Variants in RYR2 observed in about 807,000 individuals in gnomAD.
RYR2 encodes ryanodine receptor 2.
A neutral mutation model predicts 601.1 loss-of-function variants in RYR2; 227 were observed. The ratio of observed to expected loss-of-function variants is 0.38; its 90% CI spans 0.34 to 0.42. The LOEUF is 0.42. RYR2 is among the 10% of genes least tolerant of loss of function. The pLI, the probability that RYR2 is intolerant of heterozygous loss-of-function variation, is 1.00. For synonymous variants in RYR2, 2,223 were observed against 2,175.1 expected (o/e 1.02, Z -0.61); for missense variants, 4,646 against 6,156.5 (o/e 0.75, Z 8.21).
In RYR2 at chr1:237,773,504, C is replaced by A. The variant is rs369311028; in HGVS notation, c.11647-16C>A. On this transcript the variant is annotated splice_polypyrimidine_tract_variant and intron_variant, in intron 86 of 104. Transcript: ENST00000366574. ...AATGTGACTTGATAATAAATAATAT[C>A]ATCTCTATTTCCCAGGAATCAATTA... is the stretch of plus-strand genomic sequence containing the variant. 7.1e-6 allele frequency: 11 copies of A among 1,551,504 alleles called. No individual in the cohort carries two copies. In the African/African-American group the frequency reaches 1.4e-4, roughly 19 times the overall value.
intron 1 of RYR2, among the ~76,000 whole-genome samples, chr1:237,240,715 G>A (rs995965446): frequency 1.3e-4 from 18 of 141,212 alleles, no homozygotes; most frequent in African/African-American, 4.7e-4. Context: ...ACCATGTAGA[G>A]GATGCTCACA....
chr1:237,068,831 T>C (rs1229062055), intron 1 of RYR2, among the ~76,000 whole-genome samples: 1 of 152,142 alleles, frequency 6.6e-6, no homozygotes, highest in Non-Finnish European at 1.5e-5. Flanking sequence ...TTTTTAGATC[T>C]CCCCGTACTG....
rs2148831716 is a variant in RYR2, at chr1:237,657,994, A to G, written c.8180A>G (p.His2727Arg). 6.6e-7 allele frequency: 1 copy of G among 1,511,476 alleles called. No individual in the cohort carries two copies. Among genetic ancestry groups the G allele is most frequent in the South Asian group, 1.3e-5 (1 of 77,354 alleles). The allele number at this position is 1,511,476 out of a possible 1,614,324, so 93.6% of individuals were successfully genotyped here. The change falls in exon 54 of 105, where the codon CAC becomes CGC. Residue 2727 changes from histidine (H) to arginine (R), a missense_variant. His to Arg is a conservative substitution (Grantham distance 29). This residue lies in a region of RYR2 where 1,497 missense variants were observed against 1,842.6 expected (regional missense o/e 0.81). Coordinates refer to ENST00000366574, the MANE Select transcript of RYR2 (RefSeq NM_001035.3). ...LEYFINKYAE[H>R]SHDKWSMDKL... ...TACTTCATTAACAAATATGCAGAACACTCCCATGACAAATGGTCAATGGAC... is the reference window on the plus strand; with the variant it reads ...TACTTCATTAACAAATATGCAGAACGCTCCCATGACAAATGGTCAATGGAC...
chr1:237,166,580 T>C (rs1393405949), intron 1 of RYR2, among the ~76,000 whole-genome samples: 1 of 152,202 alleles, frequency 6.6e-6, no homozygotes, highest in Non-Finnish European at 1.5e-5. Context: ...AAGTTAGTCA[T>C]TGAAAAGCAG....
At chr1:237,648,688 C>G in intron 49 of RYR2, 75 bp downstream of exon 49, 1 of 1,426,320 alleles carries the variant, frequency 7.0e-7, no homozygotes, top group Non-Finnish European at 9.4e-7. Context: ...TTTTATATAT[C>G]CATTCATTAA....
At chr1:237,228,087 C>T (rs1361495234) in intron 1 of RYR2, among the ~76,000 whole-genome samples, 1 of 152,032 alleles carries the variant, frequency 6.6e-6, no homozygotes, top group African/African-American at 2.4e-5. Context: ...GAGCAACATA[C>T]ACTGAACCCA....
chr1:237,694,586 A>ATT, intron 63 of RYR2, among the ~76,000 whole-genome samples: 1 of 152,306 alleles, frequency 6.6e-6, no homozygotes, highest in Non-Finnish European at 1.5e-5. Context: ...GTTCAGAAAT[A>ATT]TTGGAATTAG....
At chr1:237,537,762 C>T (rs1251173377) in intron 25 of RYR2, among the ~76,000 whole-genome samples, 1 of 152,132 alleles carries the variant, frequency 6.6e-6, no homozygotes, top group Non-Finnish European at 1.5e-5. Context: ...AAAGATGATA[C>T]AGTGTAATAC....
chr1:237,068,585 T>C (rs1663934693), intron 1 of RYR2, among the ~76,000 whole-genome samples: 1 of 152,190 alleles, frequency 6.6e-6, no homozygotes, highest in South Asian at 2.1e-4. Flanking sequence ...ACACTTCCCA[T>C]GTGTTAATTT....
intron 27 of RYR2, among the ~76,000 whole-genome samples, chr1:237,552,852 C>G (rs1670540312): frequency 6.6e-6 from 1 of 151,802 alleles, no homozygotes; most frequent in African/African-American, 2.4e-5. Flanking sequence ...TATTCATATA[C>G]AAATCTTGGT....
chr1:237,100,229 A>C (rs1177967965), intron 1 of RYR2, among the ~76,000 whole-genome samples: 2 of 152,202 alleles, frequency 1.3e-5, no homozygotes, highest in East Asian at 3.8e-4. Context: ...GTGAAAGAGC[A>C]TGCATTTCCT....
At chr1:237,817,041 A>G (rs1228689713) in intron 100 of RYR2, among the ~76,000 whole-genome samples, 1 of 152,160 alleles carries the variant, frequency 6.6e-6, no homozygotes, top group East Asian at 1.9e-4. Flanking sequence ...TCTGCAAAAG[A>G]GACCCCTAAC....
intron 22 of RYR2, among the ~76,000 whole-genome samples, chr1:237,503,912 T>C (rs1664930724): frequency 6.6e-6 from 1 of 152,182 alleles, no homozygotes; most frequent in Non-Finnish European, 1.5e-5. Context: ...TTCATCACGT[T>C]GGCCAGGCTG....
At chr1:237,445,637 G>C (rs1437445029) in intron 14 of RYR2, 115 bp downstream of exon 14, 1 of 1,278,956 alleles carries the variant, frequency 7.8e-7, no homozygotes, top group African/African-American at 1.5e-5. Context: ...CATACTGTTT[G>C]GTAAGTCAGC....
At chr1:237,691,167 A>G (rs927641241) in intron 63 of RYR2, among the ~76,000 whole-genome samples, 1 of 152,184 alleles carries the variant, frequency 6.6e-6, no homozygotes, top group Non-Finnish European at 1.5e-5. Context: ...TTCCTGTACT[A>G]TCTTGGTTTA....
At chr1:237,457,197 G>A (rs1032087256) in intron 16 of RYR2, among the ~76,000 whole-genome samples, 17 of 152,178 alleles carry the variant, frequency 1.1e-4, no homozygotes, top group East Asian at 5.8e-4. Flanking sequence ...AGTTAGTTCC[G>A]CAAGGGTCCC....
intron 16 of RYR2, among the ~76,000 whole-genome samples, chr1:237,464,247 T>G (rs1333940115): frequency 6.6e-6 from 1 of 152,146 alleles, no homozygotes; most frequent in African/African-American, 2.4e-5. Flanking sequence ...TTTTAGGGGC[T>G]TATTTGGTTA....
intron 27 of RYR2, among the ~76,000 whole-genome samples, chr1:237,565,190 TCTTTCTTTCTTTC>T: frequency 1.1e-5 from 1 of 88,094 alleles, no homozygotes; most frequent in African/African-American, 3.6e-5. Context: ...TTTCTTTCTT[TCTTTCTTTCTTTC>T]TTTCTTTCTT....
At chr1:237,490,836 ATG>A (rs954971245) in intron 17 of RYR2, among the ~76,000 whole-genome samples, 16 of 152,220 alleles carry the variant, frequency 1.1e-4, no homozygotes, top group Non-Finnish European at 2.1e-4. Flanking sequence ...ACCTTTGTAA[ATG>A]TAAAACTTTG....
Sources: allele counts gnomAD v4.1 joint callset (sites outside exome capture counted in the v4.1 genomes callset), GRCh38; gene constraint gnomAD v4.1.1; regional missense constraint gnomAD v4.1.1; transcripts MANE v1.5; gene names NCBI Gene and HGNC (gene_info 2026-07-23, HGNC 2026-07-21).